HSPA5: variants seen among roughly 807,000 people sequenced by gnomAD.
HSPA5 encodes the protein endoplasmic reticulum chaperone BiP.
A neutral mutation model predicts 49.5 loss-of-function variants in HSPA5; 16 were observed. The observed-to-expected ratio is 0.32, with a 90% CI of 0.22 to 0.49. The LOEUF is 0.49. HSPA5 is among the 20% of genes least tolerant of loss of function. The probability of loss-of-function intolerance (pLI) is 0.99; values close to 1 mark genes in which losing one functional copy is unlikely to be tolerated. For missense variants in HSPA5, 376 were observed against 819.0 expected (o/e 0.46, Z 6.60); for synonymous variants, 271 against 307.2 (o/e 0.88, Z 1.23).
In HSPA5 at chr9:125,241,325, T is replaced by G. The variant is rs7871419; in HGVS notation, c.-199A>C. 0.014 allele frequency: 8,766 copies of G among 627,878 alleles called. 499 individuals are homozygous for G. Among genetic ancestry groups the G allele is most frequent in the African/African-American group, 0.14 (7,316 of 54,140 alleles). 38.9% of individuals were successfully genotyped at this position (627,878 alleles called of 1,614,324 possible). A position where few individuals can be genotyped will look rare whatever the true frequency, so the allele number is the denominator to read the frequency against. The stretch of plus-strand genomic sequence containing the variant: ...ACACCCCAATAGGTCAATCTGTCTG[T>G]GCTGTCTTGGCCGGCGTCGACCTCA... On this transcript the variant is annotated 5_prime_UTR_variant, in exon 1 of 8. Coordinates refer to ENST00000324460, the MANE Select transcript of HSPA5 (RefSeq NM_005347.5).
In HSPA5 at chr9:125,238,765, C is replaced by T. The variant is rs1356207065; in HGVS notation, c.1059G>A (p.Lys353=). The T allele has an allele frequency of 1.2e-6, 2 of 1,614,066 alleles. No homozygotes were observed. Among genetic ancestry groups the T allele is most frequent in the Non-Finnish European group, 1.7e-6 (2 of 1,180,036 alleles). The stretch of plus-strand genomic sequence containing the variant: ...CAAGAACAATTTCATCAATATCAGA[C>T]TTCTTCAAATCAGAATCTTCCAACA... ...QKVLEDSDLK[K]SDIDEIVLVG... The change falls in exon 6 of 8, where the codon AAG becomes AAA. Residue 353 remains lysine, a synonymous_variant. Transcript: ENST00000324460.
At chr9:125,238,481 T>A (rs1478135978) in intron 6 of HSPA5, 109 bp downstream of exon 6, 25 of 1,025,858 alleles carry the variant, frequency 2.4e-5, no homozygotes, top group Non-Finnish European at 3.4e-5. Context: ...TACCCTTTAC[T>A]AGCTGTGTGA....
chr9:125,236,882 T>C lies in HSPA5; in HGVS notation c.1675A>G (p.Ile559Val), dbSNP rs1832504731. The change falls in exon 8 of 8, where the codon ATT (isoleucine) becomes GTT (valine). Residue 559 changes from isoleucine (I) to valine (V), a missense_variant. Ile to Val is a conservative substitution (Grantham distance 29, BLOSUM62 3). Coordinates refer to ENST00000324460, the MANE Select transcript of HSPA5 (RefSeq NM_005347.5). ...AEEDKKLKER[I>V]DTRNELESYA... ...CTTTCCAACTCATTTCTAGTATCAATGCGCTCCTTGAGCTTTTTGTCTTCC... is the reference window on the plus strand; with the variant it reads ...CTTTCCAACTCATTTCTAGTATCAACGCGCTCCTTGAGCTTTTTGTCTTCC... 7 of 1,614,006 alleles carry C rather than the reference T, an allele frequency of 4.3e-6. No homozygotes were observed. The highest frequency in any genetic ancestry group is 5.9e-6 in the Non-Finnish European group (7 of 1,179,868).
In HSPA5 at chr9:125,238,753, A is replaced by G. The variant is rs1275518331; in HGVS notation, c.1071T>C (p.Asp357=). The change falls in exon 6 of 8, where the codon GAT becomes GAC. Residue 357 remains aspartate, a synonymous_variant. Transcript: ENST00000324460. The part of the protein sequence containing the change: ...EDSDLKKSDI[D]EIVLVGGSTR... Reference sequence around the variant, plus strand: ...TCGAGCCACCAACAAGAACAATTTCATCAATATCAGACTTCTTCAAATCAG... The same window carrying G: ...TCGAGCCACCAACAAGAACAATTTCGTCAATATCAGACTTCTTCAAATCAG... 7 of 1,614,020 alleles carry G rather than the reference A, an allele frequency of 4.3e-6. No individual in the cohort carries two copies. The highest frequency in any genetic ancestry group is 5.9e-6 in the Non-Finnish European group (7 of 1,179,976).
chr9:125,237,272 T>C (rs760672921), intron 7 of HSPA5, 118 bp from the exon 8 acceptor site: 2 of 695,966 alleles, frequency 2.9e-6, no homozygotes, highest in Non-Finnish European at 4.9e-6. Flanking sequence ...GAGCTAAAAG[T>C]AATTTCATAT....
In HSPA5 at chr9:125,238,836, A is replaced by G. The variant is rs1039991057; in HGVS notation, c.997-9T>C. On this transcript the variant is annotated splice_polypyrimidine_tract_variant and intron_variant, in intron 5 of 7. Coordinates refer to ENST00000324460, the MANE Select transcript of HSPA5 (RefSeq NM_005347.5). Reference sequence around the variant, plus strand: ...GTAGACCGGAACAGATCCTAGAAAAAAGACATGGTTACTGTGATGTCTGTT... The same window carrying G: ...GTAGACCGGAACAGATCCTAGAAAAGAGACATGGTTACTGTGATGTCTGTT... 6.2e-7 allele frequency: 1 copy of G among 1,612,820 alleles called. No individual in the cohort carries two copies. Among genetic ancestry groups the G allele is most frequent in the Non-Finnish European group, 8.5e-7 (1 of 1,178,994 alleles).
Position 125,240,608 on chromosome 9 carries a change from G to C in HSPA5, c.354+68C>G. The C allele has an allele frequency of 7.7e-7, 1 of 1,305,410 alleles. No homozygotes were observed. The highest frequency in any genetic ancestry group is 1.5e-5 in the African/African-American group (1 of 68,162). 80.9% of individuals were successfully genotyped at this position (1,305,410 alleles called of 1,614,324 possible). On this transcript the variant is annotated intron_variant, in intron 2 of 7. Coordinates refer to ENST00000324460, the MANE Select transcript of HSPA5 (RefSeq NM_005347.5). The surrounding 1 kb of genome is among the most constrained non-coding windows in gnomAD (Gnocchi z 4.4). ...ACTGTTGTCTCAACACTTTTCCAGA[G>C]ACTTATAACTCTAAATACTCCCACC...
intron 6 of HSPA5, 35 bp from the exon 7 acceptor site, chr9:125,238,343 T>C: frequency 1.3e-6 from 2 of 1,569,412 alleles, no homozygotes; most frequent in Non-Finnish European, 8.8e-7. Flanking sequence ...TTAATTCAAG[T>C]TCTCCCTATG....
At chr9:125,238,084 A>T in intron 7 of HSPA5, 57 bp downstream of exon 7, 1 of 1,409,800 alleles carries the variant, frequency 7.1e-7, no homozygotes, top group East Asian at 2.3e-5. Flanking sequence ...CCTGGGCAAC[A>T]GAGCAAGACT....
In HSPA5 at chr9:125,235,813, A is replaced by G. The variant is rs1832483090; in HGVS notation, c.*779T>C. On this transcript the variant is annotated 3_prime_UTR_variant, in exon 8 of 8. Coordinates refer to ENST00000324460, the MANE Select transcript of HSPA5 (RefSeq NM_005347.5). ...TCCCCATCATTTCTCAGAGAATCCA[A>G]GCAGCTATAAAAGCATCATTAGTAA... 6.6e-6 allele frequency: 1 copy of G among 152,134 alleles called. No individual in the cohort carries two copies. Among genetic ancestry groups the G allele is most frequent in the Non-Finnish European group, 1.5e-5 (1 of 68,028 alleles). The allele number at this position is 152,134 out of a possible 1,614,324, so 9.4% of individuals were successfully genotyped here.
Position 125,240,327 on chromosome 9 carries a change from T to C in HSPA5, c.355-18A>G, listed in dbSNP as rs1832548379. The C allele has an allele frequency of 1.9e-6, 3 of 1,590,376 alleles. No homozygotes were observed. Among genetic ancestry groups the C allele is most frequent in the East Asian group, 2.2e-5 (1 of 44,696 alleles). On this transcript the variant is annotated intron_variant, in intron 2 of 7. Transcript: ENST00000324460. The surrounding 1 kb of genome is among the most constrained non-coding windows in gnomAD (Gnocchi z 4.4). ...TCAACCACCTATTTTAAAGAATTAT[T>C]GTTTTCAGACACAGATACAATGACA...
At chr9:125,237,178 T>C (rs776729056) in intron 7 of HSPA5, 24 bp from the exon 8 acceptor site, 3 of 1,531,856 alleles carry the variant, frequency 2.0e-6, no homozygotes, top group Non-Finnish European at 2.7e-6. Context: ...ACAGAAAAAC[T>C]TGTTAGTTGT....
chr9:125,240,557 T>C lies in HSPA5; in HGVS notation c.354+119A>G. ...AACATACTAATAGTATTAAAGTTAT[T>C]ACATACATCATGTCTATAACCTTCA... On this transcript the variant is annotated intron_variant, in intron 2 of 7. Coordinates refer to ENST00000324460, the MANE Select transcript of HSPA5 (RefSeq NM_005347.5). This position sits in a 1 kb window ranked among gnomAD's most constrained non-coding sequence, Gnocchi z 4.4. 7.3e-6 allele frequency: 6 copies of C among 821,850 alleles called. No individual in the cohort carries two copies. The highest frequency in any genetic ancestry group is 1.2e-5 in the Non-Finnish European group (6 of 507,964). 50.9% of individuals were successfully genotyped at this position (821,850 alleles called of 1,614,324 possible).
At position 125,235,108 on chromosome 9, in the gene HSPA5, T is replaced by C. The variant is rs1046927289; in HGVS notation, c.*1484A>G. 6.6e-6 allele frequency: 1 copy of C among 152,200 alleles called. No individual in the cohort carries two copies. The highest frequency in any genetic ancestry group is 1.5e-5 in the Non-Finnish European group (1 of 68,068). The allele number at this position is 152,200 out of a possible 1,614,324, so 9.4% of individuals were successfully genotyped here. On this transcript the variant is annotated 3_prime_UTR_variant, in exon 8 of 8. Transcript: ENST00000324460. ...CAGTGCAGCTGAGGCCTAGGTCTAA[T>C]TAAGAGTTTGGTGTTGGGATCCAGT...
In HSPA5 at chr9:125,236,399, CT is replaced by C. The variant is rs545483922; in HGVS notation, c.*192del. The stretch of plus-strand genomic sequence containing the variant: ...CTTTTTAAGATGGCCAATTCTTCTT[CT>C]CCCCCCCACCCAAAGACATGTGAGC... On this transcript the variant is annotated 3_prime_UTR_variant, in exon 8 of 8. Coordinates refer to ENST00000324460, the MANE Select transcript of HSPA5 (RefSeq NM_005347.5). 1.3e-4 allele frequency: 64 copies of C among 484,904 alleles called. 1 individual carries two copies. In the South Asian group the frequency reaches 2.6e-3, roughly 20 times the overall value. 30.0% of individuals were successfully genotyped at this position (484,904 alleles called of 1,614,324 possible). A position where few individuals can be genotyped will look rare whatever the true frequency, so the allele number is the denominator to read the frequency against.
In HSPA5 at chr9:125,240,621, A is replaced by T; in HGVS notation, c.354+55T>A. On this transcript the variant is annotated intron_variant, in intron 2 of 7. Coordinates refer to ENST00000324460, the MANE Select transcript of HSPA5 (RefSeq NM_005347.5). The surrounding 1 kb of genome is among the most constrained non-coding windows in gnomAD (Gnocchi z 4.4). ...CACTTTTCCAGAGACTTATAACTCTAAATACTCCCACCACCCACCCGTTCT... is the reference window on the plus strand; with the variant it reads ...CACTTTTCCAGAGACTTATAACTCTTAATACTCCCACCACCCACCCGTTCT... 7.0e-7 allele frequency: 1 copy of T among 1,427,962 alleles called. No individual in the cohort carries two copies. The highest frequency in any genetic ancestry group is 9.8e-7 in the Non-Finnish European group (1 of 1,016,148). The allele number at this position is 1,427,962 out of a possible 1,614,324, so 88.5% of individuals were successfully genotyped here. A position where few individuals can be genotyped will look rare whatever the true frequency, so the allele number is the denominator to read the frequency against.
Position 125,240,372 on chromosome 9 carries a change from C to T in HSPA5, c.355-63G>A. 7.1e-7 allele frequency: 1 copy of T among 1,417,568 alleles called. No individual in the cohort carries two copies. Among genetic ancestry groups the T allele is most frequent in the Non-Finnish European group, 9.7e-7 (1 of 1,030,706 alleles). 87.8% of individuals were successfully genotyped at this position (1,417,568 alleles called of 1,614,324 possible). A position where few individuals can be genotyped will look rare whatever the true frequency, so the allele number is the denominator to read the frequency against. On this transcript the variant is annotated intron_variant, in intron 2 of 7. Coordinates refer to ENST00000324460, the MANE Select transcript of HSPA5 (RefSeq NM_005347.5). The surrounding 1 kb of genome is among the most constrained non-coding windows in gnomAD (Gnocchi z 4.4). ...ATGACATCTCAAAGTTTAAAAGACC[C>T]ACTACCATCCCCACAATTTGGTTTA...
At chr9:125,238,445 G>C (rs1295829483) in intron 6 of HSPA5, 137 bp from the exon 7 acceptor site, 4 of 957,810 alleles carry the variant, frequency 4.2e-6, no homozygotes, top group African/African-American at 1.6e-5. Flanking sequence ...ATGATCTTGA[G>C]ACTACCCCAG....
Position 125,236,991 on chromosome 9 carries a change from A to G in HSPA5, c.1566T>C (p.Asn522=), listed in dbSNP as rs1304720143. The G allele has an allele frequency of 6.2e-7, 1 of 1,613,842 alleles. No individual in the cohort carries two copies. The highest frequency in any genetic ancestry group is 8.5e-7 in the Non-Finnish European group (1 of 1,179,860). The change falls in exon 8 of 8, where the codon AAT becomes AAC. Residue 522 remains asparagine, a synonymous_variant. Transcript: ENST00000324460. Reference sequence around the variant, plus strand: ...TCTGGTCATTGGTGATTGTGATCTTATTTTTGTTCCCTGTACCCTTGTCTT... The same window carrying G: ...TCTGGTCATTGGTGATTGTGATCTTGTTTTTGTTCCCTGTACCCTTGTCTT... ...TAEDKGTGNK[N]KITITNDQNR... is the part of the protein sequence containing the mutation.
Sources: allele counts gnomAD v4.1 joint callset, GRCh38; gene constraint gnomAD v4.1.1; non-coding constraint Gnocchi (gnomAD v3.1); transcripts MANE v1.5; gene names NCBI Gene and HGNC (gene_info 2026-07-23, HGNC 2026-07-21).